QTMAN: variants seen among roughly 807,000 people sequenced by gnomAD.
QTMAN encodes the protein queuosine-tRNA mannosyltransferase, also known as tRNA-queuosine alpha-mannosyltransferase.
the QTMAN span, among the ~76,000 whole-genome samples, chr2:144,207,401 C>A: frequency 2.0e-5 from 3 of 152,092 alleles, no homozygotes; most frequent in Non-Finnish European, 4.4e-5. Context: ...TCACAAGCTG[C>A]TATGTCTCCT....
the QTMAN span, among the ~76,000 whole-genome samples, chr2:144,300,264 T>C: frequency 1.3e-5 from 2 of 152,260 alleles, no homozygotes; most frequent in African/African-American, 4.8e-5. Flanking sequence ...GTAAATTTTA[T>C]GTTAGGTCCA....
chr2:144,279,325 T>C, the QTMAN span, among the ~76,000 whole-genome samples: 1 of 140,258 alleles, frequency 7.1e-6, no homozygotes, highest in Non-Finnish European at 1.5e-5. Context: ...CCCGCTTCCC[T>C]CACACTCTTC....
the QTMAN span, among the ~76,000 whole-genome samples, chr2:144,196,042 A>G: frequency 1.3e-5 from 2 of 152,112 alleles, no homozygotes; most frequent in Admixed American, 6.6e-5. Flanking sequence ...AATACTTTTC[A>G]TTAAAAGTGA....
At chr2:144,146,299 T>C in the QTMAN span, among the ~76,000 whole-genome samples, 6 of 150,628 alleles carry the variant, frequency 4.0e-5, no homozygotes, top group East Asian at 1.2e-3. Flanking sequence ...ACAATACTTG[T>C]ATTTTTAAAA....
the QTMAN span, among the ~76,000 whole-genome samples, chr2:144,238,736 T>A: frequency 6.6e-6 from 1 of 152,076 alleles, no homozygotes; most frequent in Non-Finnish European, 1.5e-5. Flanking sequence ...CTACCAACTA[T>A]CCCCATGAAA....
the QTMAN span, among the ~76,000 whole-genome samples, chr2:144,117,243 AT>A: frequency 6.6e-6 from 1 of 152,158 alleles, no homozygotes; most frequent in Non-Finnish European, 1.5e-5. Flanking sequence ...TTCCACTTTC[AT>A]GTAATCAGCT....
chr2:144,066,300 G>A, the QTMAN span, among the ~76,000 whole-genome samples: 1 of 152,062 alleles, frequency 6.6e-6, no homozygotes, highest in African/African-American at 2.4e-5. Context: ...CAATAAAAAT[G>A]TTCATATAAA....
the QTMAN span, among the ~76,000 whole-genome samples, chr2:143,955,886 C>A: frequency 6.6e-6 from 1 of 152,172 alleles, no homozygotes; most frequent in East Asian, 1.9e-4. Flanking sequence ...TAGTATCAAA[C>A]CTGCATTCAG....
At chr2:144,276,750 A>C in the QTMAN span, among the ~76,000 whole-genome samples, 1 of 152,208 alleles carries the variant, frequency 6.6e-6, no homozygotes, top group East Asian at 1.9e-4. Flanking sequence ...GTTAAGTGGT[A>C]GGGATTAACT....
the QTMAN span, among the ~76,000 whole-genome samples, chr2:144,024,585 C>T: frequency 1.1e-4 from 17 of 152,174 alleles, 1 homozygote; most frequent in Non-Finnish European, 1.5e-5. Flanking sequence ...CTTAAGCAAA[C>T]TCAGCTCTTC....
At chr2:144,013,589 G>A in the QTMAN span, among the ~76,000 whole-genome samples, 1 of 152,084 alleles carries the variant, frequency 6.6e-6, no homozygotes, top group South Asian at 2.1e-4. Flanking sequence ...AGTGACAGAA[G>A]ATATGGTTCA....
At chr2:144,328,123 G>T in the QTMAN span, among the ~76,000 whole-genome samples, 1 of 151,994 alleles carries the variant, frequency 6.6e-6, no homozygotes, top group Non-Finnish European at 1.5e-5. Flanking sequence ...GTTAATTTTT[G>T]TATTTTTAGT....
At chr2:144,239,181 G>GA in the QTMAN span, among the ~76,000 whole-genome samples, 41 of 139,546 alleles carry the variant, frequency 2.9e-4, no homozygotes, top group Middle Eastern at 3.6e-3. Flanking sequence ...AGAAAAAAAA[G>GA]AAAAAAAAAA....
chr2:144,159,306 A>T, the QTMAN span, among the ~76,000 whole-genome samples: 1 of 152,074 alleles, frequency 6.6e-6, no homozygotes. Context: ...CATGTTATCA[A>T]GAAAAAAAAT....
the QTMAN span, among the ~76,000 whole-genome samples, chr2:144,198,563 A>G: frequency 6.6e-6 from 1 of 152,310 alleles, no homozygotes; most frequent in Non-Finnish European, 1.5e-5. Context: ...ACAGGAAAGA[A>G]GAGTCAAGGA....
At chr2:144,252,004 T>C in the QTMAN span, among the ~76,000 whole-genome samples, 9 of 150,764 alleles carry the variant, frequency 6.0e-5, 1 homozygote, top group Admixed American at 6.0e-4. Flanking sequence ...GAGACCAGCC[T>C]AGGCAACACA....
At chr2:144,182,093 G>A in the QTMAN span, among the ~76,000 whole-genome samples, 1 of 151,744 alleles carries the variant, frequency 6.6e-6, no homozygotes, top group Admixed American at 6.6e-5. Context: ...TGTTAAAAGT[G>A]GAAACTAGGA....
chr2:144,265,506 G>A, the QTMAN span, among the ~76,000 whole-genome samples: 4 of 152,038 alleles, frequency 2.6e-5, no homozygotes, highest in Non-Finnish European at 5.9e-5. Context: ...GACCATCCTC[G>A]CTAATACGGT....
the QTMAN span, among the ~76,000 whole-genome samples, chr2:144,166,928 T>G: frequency 6.6e-6 from 1 of 152,150 alleles, no homozygotes; most frequent in African/African-American, 2.4e-5. Flanking sequence ...CCTCTTCCTC[T>G]GCATGAAATA....
Sources: gnomAD v4.1 joint callset for allele counts (sites outside exome capture counted in the v4.1 genomes callset) on GRCh38, gnomAD v4.1.1 for gene constraint, MANE v1.5 for transcripts, NCBI Gene and HGNC (gene_info 2026-07-23, HGNC 2026-07-21) for gene names.